CDH6: variants seen among roughly 807,000 people sequenced by gnomAD.
CDH6 encodes cadherin 6.
In CDH6, 31 loss-of-function variants were observed where a neutral mutation model predicts 78.0. The ratio of observed to expected loss-of-function variants is 0.40; its 90% CI spans 0.30 to 0.54. CDH6 has a LOEUF of 0.54. Ranked by LOEUF, CDH6 falls within the 20% of genes least tolerant of loss-of-function variation. CDH6 has a pLI of 0.56. For synonymous variants in CDH6, 376 were observed against 368.8 expected (o/e 1.02, Z -0.23); for missense variants, 724 against 975.9 (o/e 0.74, Z 3.44).
chr5:31,204,675 G>T (rs2111784438), intron 1 of CDH6, among the ~76,000 whole-genome samples: 1 of 152,016 alleles, frequency 6.6e-6, no homozygotes, highest in South Asian at 2.1e-4. Context: ...TTTTTTCTTT[G>T]TATGATAATC....
Position 31,294,572 on chromosome 5 carries a change from T to C in CDH6, c.523+316T>C, listed in dbSNP as rs1205634847. ...CTTTCTTGGGCTGAAAGCAACCTTC[T>C]CCACTTCTCTTAGCCTATGTGGGTG... On this transcript the variant is annotated intron_variant, in intron 3 of 11. Coordinates refer to ENST00000265071, the MANE Select transcript of CDH6 (RefSeq NM_004932.4). The surrounding 1 kb of genome is among the most constrained non-coding windows in gnomAD (Gnocchi z 4.1). Among the ~76,000 whole-genome samples the C allele has an allele frequency of 6.6e-6, 1 of 150,416 alleles. No individual in the cohort carries two copies. The highest frequency in any genetic ancestry group is 2.4e-5 in the African/African-American group (1 of 40,924).
Position 31,325,737 on chromosome 5 carries a change from T to C in CDH6, c.*2429T>C, listed in dbSNP as rs1159728234. On this transcript the variant is annotated 3_prime_UTR_variant, in exon 12 of 12. Transcript: ENST00000265071. ...ATCCCTCCCTGCAGATGACACAGCA[T>C]ACCAAGAACAGGTTAATATGATTAC... The C allele has an allele frequency of 4.3e-6, 1 of 230,758 alleles. No homozygotes were observed. The highest frequency in any genetic ancestry group is 1.8e-4 in the South Asian group (1 of 5,510). 14.3% of individuals were successfully genotyped at this position (230,758 alleles called of 1,614,324 possible).
intron 1 of CDH6, among the ~76,000 whole-genome samples, chr5:31,202,662 CAT>C (rs34077868): frequency 0.41 from 61,446 of 149,850 alleles, 13,178 homozygotes; most frequent in South Asian, 0.55. Context: ...TATACACACA[CAT>C]ATATATATAT....
At chr5:31,263,259 C>CT (rs58797373) in intron 1 of CDH6, among the ~76,000 whole-genome samples, 9,672 of 127,678 alleles carry the variant, frequency 0.076, 456 homozygotes, top group African/African-American at 0.15. Context: ...GGTCTCTCTT[C>CT]TTTTTTTTTT....
At chr5:31,238,857 C>G (rs533288330) in intron 1 of CDH6, among the ~76,000 whole-genome samples, 1 of 152,172 alleles carries the variant, frequency 6.6e-6, no homozygotes, top group Non-Finnish European at 1.5e-5. Flanking sequence ...TAACTTTGTT[C>G]TTACTGGCAA....
intron 1 of CDH6, among the ~76,000 whole-genome samples, chr5:31,206,224 T>C (rs1318400854): frequency 6.6e-6 from 1 of 152,178 alleles, no homozygotes; most frequent in African/African-American, 2.4e-5. Flanking sequence ...ACAGGATAGA[T>C]AGATTCAAAT....
chr5:31,305,445 A>G lies in CDH6; in HGVS notation c.1253+18A>G. On this transcript the variant is annotated intron_variant, in intron 7 of 11. Coordinates refer to ENST00000265071, the MANE Select transcript of CDH6 (RefSeq NM_004932.4). ...CCTGTCAAGTAAGCACACTTCTGCG[A>G]CATGTCTCTTTCATAAGCTTCAGTC... The G allele has an allele frequency of 1.2e-6, 2 of 1,600,632 alleles. No individual in the cohort carries two copies. Among genetic ancestry groups the G allele is most frequent in the East Asian group, 2.2e-5 (1 of 44,706 alleles).
At chr5:31,229,245 T>C (rs564471961) in intron 1 of CDH6, among the ~76,000 whole-genome samples, 1 of 152,348 alleles carries the variant, frequency 6.6e-6, no homozygotes, top group South Asian at 2.1e-4. Context: ...ACTGCAAGCC[T>C]ACTGGTTTGA....
In CDH6 at chr5:31,323,720, G is replaced by C. The variant is rs1393582897; in HGVS notation, c.*412G>C. 4 of 243,600 alleles carry C rather than the reference G, an allele frequency of 1.6e-5. No homozygotes were observed. The highest frequency in any genetic ancestry group is 2.4e-5 in the Non-Finnish European group (3 of 123,270). The allele number at this position is 243,600 out of a possible 1,614,324, so 15.1% of individuals were successfully genotyped here. On this transcript the variant is annotated 3_prime_UTR_variant, in exon 12 of 12. Coordinates refer to ENST00000265071, the MANE Select transcript of CDH6 (RefSeq NM_004932.4). Reference sequence around the variant, plus strand: ...CTTTAAAGATAAAAATATCATCATAGTAAAAGAAATGAGGGCATATCGGCT... The same window carrying C: ...CTTTAAAGATAAAAATATCATCATACTAAAAGAAATGAGGGCATATCGGCT...
At chr5:31,224,022 A>C (rs934050491) in intron 1 of CDH6, among the ~76,000 whole-genome samples, 6 of 152,186 alleles carry the variant, frequency 3.9e-5, no homozygotes, top group African/African-American at 1.4e-4. Context: ...ACACTATCTC[A>C]TTTAATCCTC....
intron 1 of CDH6, among the ~76,000 whole-genome samples, chr5:31,196,012 T>A (rs1740154949): frequency 6.6e-6 from 1 of 152,204 alleles, no homozygotes; most frequent in South Asian, 2.1e-4. Flanking sequence ...CATAGGGACT[T>A]TTAGTCCCTT....
At chr5:31,199,424 A>ATATATG (rs1740261631) in intron 1 of CDH6, among the ~76,000 whole-genome samples, 2 of 58,318 alleles carry the variant, frequency 3.4e-5, no homozygotes, top group Non-Finnish European at 7.1e-5. Context: ...GTATATATGT[A>ATATATG]CACACATATG....
At chr5:31,194,550 G>C (rs1372639362) in intron 1 of CDH6, among the ~76,000 whole-genome samples, 1 of 152,168 alleles carries the variant, frequency 6.6e-6, no homozygotes, top group Non-Finnish European at 1.5e-5. Flanking sequence ...ATCTAGGACA[G>C]AAATGCTTAG....
chr5:31,203,233 C>CT (rs10656122), intron 1 of CDH6, among the ~76,000 whole-genome samples: 1,904 of 127,194 alleles, frequency 0.015, 43 homozygotes, highest in African/African-American at 0.044. Context: ...CAGGCAGGTC[C>CT]TTTTTTTTTT....
chr5:31,214,545 T>A (rs1051289080), intron 1 of CDH6, among the ~76,000 whole-genome samples: 1 of 152,180 alleles, frequency 6.6e-6, no homozygotes, highest in African/African-American at 2.4e-5. Flanking sequence ...CATAGGCCCA[T>A]ATGCTCAGGA....
Position 31,323,471 on chromosome 5 carries a change from C to G in CDH6, c.*163C>G, listed in dbSNP as rs927894177. 1.3e-6 allele frequency: 1 copy of G among 772,190 alleles called. No homozygotes were observed. The highest frequency in any genetic ancestry group is 1.7e-5 in the African/African-American group (1 of 57,314). The allele number at this position is 772,190 out of a possible 1,614,324, so 47.8% of individuals were successfully genotyped here. Reference sequence around the variant, plus strand: ...ATGTTAGAGACTTTTTTCTAGTACACTTTTATGAGCTTCCAAGGGGCAAAT... The same window carrying G: ...ATGTTAGAGACTTTTTTCTAGTACAGTTTTATGAGCTTCCAAGGGGCAAAT... On this transcript the variant is annotated 3_prime_UTR_variant, in exon 12 of 12. Transcript: ENST00000265071.
At chr5:31,226,948 T>C (rs377073169) in intron 1 of CDH6, among the ~76,000 whole-genome samples, 30 of 152,146 alleles carry the variant, frequency 2.0e-4, no homozygotes, top group Admixed American at 9.2e-4. Context: ...GGTGGTCTCA[T>C]GGCTTTCATA....
At chr5:31,195,651 G>A (rs985622519) in intron 1 of CDH6, among the ~76,000 whole-genome samples, 1 of 152,170 alleles carries the variant, frequency 6.6e-6, no homozygotes, top group South Asian at 2.1e-4. Flanking sequence ...ATAACCAGGA[G>A]GGTAAAGTTT....
intron 2 of CDH6, 126 bp from the exon 3 acceptor site, chr5:31,293,836 A>G (rs1737492105): frequency 5.3e-6 from 3 of 568,292 alleles, no homozygotes; most frequent in Middle Eastern, 4.8e-4. Flanking sequence ...ATAGTAAAAA[A>G]AAAAAAACTT....
Sources: allele counts gnomAD v4.1 joint callset (sites outside exome capture counted in the v4.1 genomes callset), GRCh38; gene constraint gnomAD v4.1.1; non-coding constraint Gnocchi (gnomAD v3.1); transcripts MANE v1.5; gene names NCBI Gene and HGNC (gene_info 2026-07-23, HGNC 2026-07-21).